KDM5C: variants seen among roughly 807,000 people sequenced by gnomAD.
The protein encoded by KDM5C is lysine demethylase 5C.
KDM5C carries 16 observed loss-of-function variants against 110.6 expected under a neutral mutation model. That is an observed-to-expected ratio of 0.14 (90% CI 0.10 to 0.22). KDM5C has a LOEUF of 0.22. KDM5C is among the 10% of genes least tolerant of loss of function. The pLI, the probability that KDM5C is intolerant of heterozygous loss-of-function variation, is 1.00. For synonymous variants in KDM5C, 511 were observed against 520.4 expected, an observed-to-expected ratio of 0.98 and a Z score of 0.24; for missense variants, 681 against 1,300.9, an observed-to-expected ratio of 0.52 and a Z score of 7.33.
At chrX:53,200,588 G>A (rs782195726) in intron 14 of KDM5C, among the ~76,000 whole-genome samples, 8 of 111,739 alleles carry the variant, frequency 7.2e-5, no homozygotes, top group Admixed American at 5.7e-4. Flanking sequence ...CACCACGACT[G>A]AGAGGCCCCA....
intron 25 of KDM5C, among the ~76,000 whole-genome samples, chrX:53,181,288 A>G (rs1314052528): frequency 9.0e-6 from 1 of 110,861 alleles, no homozygotes; most frequent in Non-Finnish European, 1.9e-5. Flanking sequence ...CAGGTCTCAT[A>G]TGCAAAAACA....
chrX:53,197,138 C>T, intron 18 of KDM5C, 94 bp from the exon 19 acceptor site: 2 of 661,791 alleles, frequency 3.0e-6, no homozygotes, highest in South Asian at 4.8e-5. Context: ...ATCTTCTTAC[C>T]CTCCAAGCTT....
chrX:53,183,283 A>C lies in KDM5C; in HGVS notation c.4309-6661T>G, dbSNP rs1433157429. 4.7e-5 allele frequency among the ~76,000 whole-genome samples: 5 copies of C among 106,525 alleles called. No homozygotes were observed. The East Asian group carries it at 1.5e-3, about 31-fold the overall frequency. 92.5% of individuals were successfully genotyped at this position (106,525 alleles called of 115,157 possible). A position where few individuals can be genotyped will look rare whatever the true frequency, so the allele number is the denominator to read the frequency against. ...TCTACAAAAAAAAAAAAAAAAAAAA[A>C]AAATTAGCTGGGTGTATTGGCACAT... On this transcript the variant is annotated intron_variant, in intron 25 of 25. Transcript: ENST00000685641.
rs2074002401 is a variant in KDM5C at position 53,225,039 on chromosome X, G to C, written c.-150C>G. On this transcript the variant is annotated 5_prime_UTR_variant, in exon 1 of 26. Coordinates refer to ENST00000375401, the MANE Select transcript of KDM5C (RefSeq NM_004187.5). ...CCGCCGAGGGCCTAAGGGGGCGTGT[G>C]GCCGTCGTGCTCTGAGAGTCTCAGG... 7.7e-6 allele frequency: 5 copies of C among 651,835 alleles called. No homozygotes were observed. The highest frequency in any genetic ancestry group is 1.1e-5 in the Non-Finnish European group (5 of 446,716). The allele number at this position is 651,835 out of a possible 1,213,427, so 53.7% of individuals were successfully genotyped here.
At position 53,195,302 on chromosome X, in the gene KDM5C, T is replaced by C. The variant is rs1351150527; in HGVS notation, c.3229A>G (p.Thr1077Ala). 1.7e-6 allele frequency: 2 copies of C among 1,203,983 alleles called. No homozygotes were observed. Among genetic ancestry groups the C allele is most frequent in the Non-Finnish European group, 2.2e-6 (2 of 891,878 alleles). The change falls in exon 21 of 26, where the codon ACA becomes GCA. Residue 1077 changes from threonine (T) to alanine (A), a missense_variant. Around this residue, in one of 14 missense-constraint regions of KDM5C, gnomAD observed 66 missense variants for 162.9 expected, o/e 0.41. Coordinates refer to ENST00000375401, the MANE Select transcript of KDM5C (RefSeq NM_004187.5). The part of the protein sequence containing the change: ...ELRQLELQVL[T>A]AHSWREKASK... ...GCCTTCTCCCTCCAGGAGTGCGCTG[T>C]CAGTACCTGTAGCTCTAGCTGTCTC...
intron 25 of KDM5C, among the ~76,000 whole-genome samples, chrX:53,182,958 T>G (rs782351317): frequency 9.0e-6 from 1 of 111,729 alleles, no homozygotes; most frequent in South Asian, 3.7e-4. Context: ...TCCTCCAGTT[T>G]TATGGTTTTA....
At chrX:53,194,072 G>C (rs1229745520) in intron 23 of KDM5C, 67 bp downstream of exon 23, 51 of 1,155,766 alleles carry the variant, frequency 4.4e-5, no homozygotes, top group Non-Finnish European at 3.6e-5. Flanking sequence ...GGGCAGGGCC[G>C]AGCCTAAACT....
In KDM5C at chrX:53,193,619, A is replaced by G; in HGVS notation, c.4135T>C (p.Ser1379Pro). 1 of 1,211,975 alleles carries G rather than the reference A, an allele frequency of 8.3e-7. No homozygotes were observed. Among genetic ancestry groups the G allele is most frequent in the Non-Finnish European group, 1.1e-6 (1 of 895,477 alleles). Residue 1379 changes from serine to proline, a missense_variant, in exon 25 of 26, where the codon TCG (serine) becomes CCG (proline). Ser to Pro is a moderately conservative substitution (Grantham distance 74). Around this residue, in one of 14 missense-constraint regions of KDM5C, gnomAD observed 88 missense variants for 85.6 expected, o/e 1.03. Coordinates refer to ENST00000375401, the MANE Select transcript of KDM5C (RefSeq NM_004187.5). The stretch of plus-strand genomic sequence containing the variant: ...GGGCCAGTCAACTGTGGCAACAGCG[A>G]GGACAGCAGCTCCAGATCTAGGAGG... The part of the protein sequence containing the change: ...SGKRDLELLS[S>P]LLPQLTGPVL...
intron 12 of KDM5C, 69 bp from the exon 13 acceptor site, chrX:53,202,042 A>G (rs1249026711): frequency 8.8e-7 from 1 of 1,138,146 alleles, no homozygotes; most frequent in African/African-American, 1.8e-5. Flanking sequence ...ACTTAAGTGC[A>G]AGGTAATTAA....
chrX:53,221,001 AC>A lies in KDM5C; in HGVS notation c.151-86del, dbSNP rs782566524. On this transcript the variant is annotated intron_variant, in intron 1 of 25. Coordinates refer to ENST00000375401, the MANE Select transcript of KDM5C (RefSeq NM_004187.5). Reference sequence around the variant, plus strand: ...GTCACCAAAAGCAGCTCGGAATCCCACTGGCACCTTCCCAAACCTCTAGCCA... The same window carrying A: ...GTCACCAAAAGCAGCTCGGAATCCCATGGCACCTTCCCAAACCTCTAGCCA... 248 of 813,582 alleles carry A rather than the reference AC, an allele frequency of 3.0e-4. No homozygotes were observed. In the East Asian group the frequency reaches 7.7e-3, roughly 25 times the overall value. 67.0% of individuals were successfully genotyped at this position (813,582 alleles called of 1,213,427 possible). A position where few individuals can be genotyped will look rare whatever the true frequency, so the allele number is the denominator to read the frequency against.
intron 1 of KDM5C, among the ~76,000 whole-genome samples, chrX:53,224,311 C>T (rs1304056064): frequency 8.9e-6 from 1 of 112,208 alleles, no homozygotes; most frequent in Non-Finnish European, 1.9e-5. Context: ...GAACTCAAGT[C>T]TGTCTCCCTT....
intron 12 of KDM5C, among the ~76,000 whole-genome samples, chrX:53,206,863 CAAAAAAAAA>C (rs58880985): frequency 4.5e-5 from 1 of 22,346 alleles, no homozygotes; most frequent in Non-Finnish European, 6.6e-5. Flanking sequence ...GATTCCTTCT[CAAAAAAAAA>C]AAAAAAAAAA....
At chrX:53,213,489 G>A (rs1374082893) in intron 8 of KDM5C, among the ~76,000 whole-genome samples, 2 of 111,824 alleles carry the variant, frequency 1.8e-5, no homozygotes, top group African/African-American at 6.5e-5. Flanking sequence ...CCGAGAATTT[G>A]GGTGAAGGTA....
intron 24 of KDM5C, 66 bp from the exon 25 acceptor site, chrX:53,193,702 G>A: frequency 1.7e-6 from 2 of 1,181,843 alleles, no homozygotes; most frequent in East Asian, 5.9e-5. Flanking sequence ...CACTACAACA[G>A]AGCTGAGGAC....
At chrX:53,207,968 C>CAAAA (rs781945536) in intron 12 of KDM5C, among the ~76,000 whole-genome samples, 13 of 30,536 alleles carry the variant, frequency 4.3e-4, no homozygotes, top group African/African-American at 1.3e-3. Flanking sequence ...GACTCTGTCT[C>CAAAA]AAAAAAAAAA....
intron 20 of KDM5C, among the ~76,000 whole-genome samples, chrX:53,195,640 C>T (rs1465521954): frequency 9.0e-6 from 1 of 111,694 alleles, no homozygotes; most frequent in African/African-American, 3.3e-5. Context: ...GCCTCTTCTC[C>T]TCTCCTCCAT....
At chrX:53,180,184 C>G (rs1556825388) in intron 25 of KDM5C, among the ~76,000 whole-genome samples, 1 of 110,416 alleles carries the variant, frequency 9.1e-6, no homozygotes, top group Non-Finnish European at 1.9e-5. Context: ...TCTGAAAAGG[C>G]TATATACTAT....
intron 8 of KDM5C, 89 bp downstream of exon 8, chrX:53,214,600 T>C: frequency 2.9e-6 from 3 of 1,035,923 alleles, no homozygotes; most frequent in Non-Finnish European, 2.6e-6. Context: ...CCTAAGACTA[T>C]GGCTGAGCTA....
chrX:53,216,345 T>C (rs2073740093), intron 5 of KDM5C, 148 bp from the exon 6 acceptor site: 7 of 803,934 alleles, frequency 8.7e-6, no homozygotes, highest in Admixed American at 2.4e-5. Context: ...AGAGTTGCTT[T>C]TTGGAGACTG....
Sources: gnomAD v4.1 joint callset for allele counts (sites outside exome capture counted in the v4.1 genomes callset) on GRCh38, gnomAD v4.1.1 for gene constraint, gnomAD v4.1.1 regional missense constraint, MANE v1.5 for transcripts, NCBI Gene and HGNC (gene_info 2026-07-23, HGNC 2026-07-21) for gene names.